IPO7: variants seen among roughly 807,000 people sequenced by gnomAD.
IPO7 encodes the protein importin 7.
IPO7 carries 13 observed loss-of-function variants against 136.4 expected under a neutral mutation model. The observed-to-expected ratio is 0.10, with a 90% confidence interval of 0.06 to 0.15. The LOEUF is 0.15. Among genes scored for constraint, IPO7 ranks in the 10% least tolerant of loss-of-function variants. The probability of loss-of-function intolerance (pLI) is 1.00; values close to 1 mark genes in which losing one functional copy is unlikely to be tolerated. For synonymous variants in IPO7, 403 were observed against 404.4 expected, an observed-to-expected ratio of 1.00 and a Z score of 0.04; for missense variants, 857 against 1,240.6, an observed-to-expected ratio of 0.69 and a Z score of 4.65.
intron 1 of IPO7, among the ~76,000 whole-genome samples, chr11:9,400,266 G>C (rs888949209): frequency 5.9e-5 from 9 of 152,030 alleles, no homozygotes; most frequent in Non-Finnish European, 1.2e-4. Flanking sequence ...ACAGATATGG[G>C]GGCACCGACT....
In IPO7 at chr11:9,404,167, G is replaced by T. The variant is rs548064095; in HGVS notation, c.166+796G>T. ...TGTTCTTTCCCCCTGCACCTATTTT[G>T]TTAAAAATTTTGTTGGGGCTGGGTG... On this transcript the variant is annotated intron_variant, in intron 2 of 24. Transcript: ENST00000379719. Among the ~76,000 whole-genome samples the T allele has an allele frequency of 2.6e-5, 4 of 151,980 alleles. No homozygotes were observed. In the East Asian group the frequency reaches 7.8e-4, roughly 30 times the overall value.
intron 12 of IPO7, among the ~76,000 whole-genome samples, chr11:9,426,099 A>T (rs1590445157): frequency 6.6e-6 from 1 of 152,308 alleles, no homozygotes; most frequent in East Asian, 1.9e-4. Flanking sequence ...TGTACAACTC[A>T]GTGGTTTTTA....
chr11:9,431,458 A>G (rs1215630596), intron 16 of IPO7, among the ~76,000 whole-genome samples: 1 of 136,178 alleles, frequency 7.3e-6, no homozygotes, highest in Non-Finnish European at 1.6e-5. Context: ...AAGAATTGTA[A>G]TAATGGATTT....
intron 22 of IPO7, 37 bp downstream of exon 22, chr11:9,438,322 T>A: frequency 7.8e-7 from 1 of 1,276,598 alleles, no homozygotes; most frequent in Non-Finnish European, 1.1e-6. Context: ...AAAACTTATC[T>A]ACTTAGAAAT....
At chr11:9,419,559 A>AAAAAATATATATATATATAT (rs1256216265) in intron 6 of IPO7, among the ~76,000 whole-genome samples, 1 of 116,866 alleles carries the variant, frequency 8.6e-6, no homozygotes, top group African/African-American at 3.8e-5. Context: ...AAAAAAAAAA[A>AAAAAATATATATATATATAT]ATATATATAT....
At chr11:9,420,843 C>T in intron 8 of IPO7, 145 bp downstream of exon 8, 1 of 596,996 alleles carries the variant, frequency 1.7e-6, no homozygotes, top group Admixed American at 3.0e-5. Flanking sequence ...CTCAGGATCT[C>T]TTTATGTTCA....
intron 8 of IPO7, among the ~76,000 whole-genome samples, chr11:9,421,016 T>C (rs1855119273): frequency 6.6e-6 from 1 of 152,162 alleles, no homozygotes; most frequent in South Asian, 2.1e-4. Flanking sequence ...TGGAGTGCAG[T>C]GGCGTAATCT....
At chr11:9,425,401 G>GT in intron 12 of IPO7, 139 bp downstream of exon 12, 1 of 633,808 alleles carries the variant, frequency 1.6e-6, no homozygotes, top group Non-Finnish European at 2.8e-6. Flanking sequence ...GAGCCCAGGA[G>GT]TTTGAGAACA....
At chr11:9,418,722 G>A (rs1160106288) in intron 6 of IPO7, among the ~76,000 whole-genome samples, 2 of 151,956 alleles carry the variant, frequency 1.3e-5, no homozygotes, top group African/African-American at 2.4e-5. Context: ...TCCGTGCACC[G>A]ATTATAAATA....
At position 9,417,136 on chromosome 11, in the gene IPO7, G is replaced by A. The variant is rs780652512; in HGVS notation, c.714G>A (p.Arg238=). The change falls in exon 6 of 25, where the codon AGG becomes AGA. Residue 238 remains arginine, a synonymous_variant. Coordinates refer to ENST00000379719, the MANE Select transcript of IPO7 (RefSeq NM_006391.3). ...WIEILKTVVN[R]DVPNETLQVE... The stretch of plus-strand genomic sequence containing the variant: ...AAATTTTAAAGACTGTTGTGAACAG[G>A]GATGTACCTAATGTAAGTTTCTGTA... 6.1e-6 allele frequency: 9 copies of A among 1,470,080 alleles called. No homozygotes were observed. The highest frequency in any genetic ancestry group is 8.5e-6 in the Non-Finnish European group (9 of 1,058,454). 91.1% of individuals were successfully genotyped at this position (1,470,080 alleles called of 1,614,324 possible). A position where few individuals can be genotyped will look rare whatever the true frequency, so the allele number is the denominator to read the frequency against.
chr11:9,430,845 C>T (rs765518371), intron 15 of IPO7, 30 bp from the exon 16 acceptor site: 2 of 1,602,624 alleles, frequency 1.2e-6, no homozygotes, highest in African/African-American at 1.3e-5. Context: ...GCTTCAGTGA[C>T]AAACTTGAGT....
chr11:9,440,788 A>T, intron 23 of IPO7, 127 bp downstream of exon 23: 1 of 668,786 alleles, frequency 1.5e-6, no homozygotes, highest in South Asian at 1.8e-5. Flanking sequence ...AGGCAAAGTA[A>T]CCAAAATTAT....
chr11:9,387,862 CAT>C (rs779572250), intron 1 of IPO7, among the ~76,000 whole-genome samples: 1 of 148,962 alleles, frequency 6.7e-6, no homozygotes, highest in Non-Finnish European at 1.5e-5. Context: ...AAATTTAAAA[CAT>C]TGGCTGGGCA....
Position 9,437,763 on chromosome 11 carries a change from T to G in IPO7, c.2278T>G (p.Leu760Val). 3.7e-6 allele frequency: 6 copies of G among 1,611,856 alleles called. No individual in the cohort carries two copies. The highest frequency in any genetic ancestry group is 5.1e-6 in the Non-Finnish European group (6 of 1,178,058). The change falls in exon 21 of 25, where the codon TTA (leucine) becomes GTA (valine). Residue 760 changes from leucine to valine, a missense_variant. Physicochemically the swap from Leu to Val is conservative, Grantham distance 32. This residue lies in a region of IPO7 where 190 missense variants were observed against 249.0 expected (regional missense o/e 0.76). Transcript: ENST00000379719. ...KGRGIDQCIP[L>V]FVEAALERLT... The stretch of plus-strand genomic sequence containing the variant: ...CTATCTTTTTTTGTAGTGCATTCCC[T>G]TATTCGTGGAAGCAGCCTTAGAAAG...
At chr11:9,427,512 G>T (rs936166148) in intron 12 of IPO7, among the ~76,000 whole-genome samples, 2 of 152,068 alleles carry the variant, frequency 1.3e-5, no homozygotes, top group African/African-American at 4.8e-5. Flanking sequence ...CACCCGCCTC[G>T]GCTTCCCAAA....
chr11:9,417,013 T>C, intron 5 of IPO7, 46 bp from the exon 6 acceptor site: 1 of 900,446 alleles, frequency 1.1e-6, no homozygotes, highest in Non-Finnish European at 1.8e-6. Context: ...AAGTAGGATT[T>C]TCTTTAGCAA....
chr11:9,410,199 A>C, intron 4 of IPO7, 113 bp downstream of exon 4: 2 of 638,158 alleles, frequency 3.1e-6, no homozygotes, highest in Non-Finnish European at 4.7e-6. Flanking sequence ...AAATTAGTGA[A>C]TTATATGGTA....
At chr11:9,418,860 T>G (rs1159502747) in intron 6 of IPO7, among the ~76,000 whole-genome samples, 1 of 152,246 alleles carries the variant, frequency 6.6e-6, no homozygotes, top group Non-Finnish European at 1.5e-5. Context: ...TAATCTGTTT[T>G]AGAACTTAGT....
At chr11:9,395,326 C>T (rs903839431) in intron 1 of IPO7, among the ~76,000 whole-genome samples, 2 of 151,986 alleles carry the variant, frequency 1.3e-5, no homozygotes, top group African/African-American at 4.8e-5. Flanking sequence ...TCACTGCAGC[C>T]TCCACCTCCC....
Sources: gnomAD v4.1 joint callset for allele counts (sites outside exome capture counted in the v4.1 genomes callset) on GRCh38, gnomAD v4.1.1 for gene constraint, gnomAD v4.1.1 regional missense constraint, MANE v1.5 for transcripts, NCBI Gene and HGNC (gene_info 2026-07-23, HGNC 2026-07-21) for gene names.